PPP1R9A: variants seen among roughly 807,000 people sequenced by gnomAD.
The protein encoded by PPP1R9A is protein phosphatase 1 regulatory subunit 9A.
A neutral mutation model predicts 141.9 loss-of-function variants in PPP1R9A; 59 were observed. The ratio of observed to expected loss-of-function variants is 0.42; its 90% CI spans 0.34 to 0.52. The LOEUF (loss-of-function observed/expected upper bound fraction) is 0.52. Ranked by LOEUF, PPP1R9A falls within the 20% of genes least tolerant of loss-of-function variation. The probability of loss-of-function intolerance (pLI) is 0.10; values close to 1 mark genes in which losing one functional copy is unlikely to be tolerated. For missense variants in PPP1R9A, 1,444 were observed against 1,611.9 expected (o/e 0.90, Z 1.78); for synonymous variants, 500 against 569.7 (o/e 0.88, Z 1.74).
At chr7:95,076,190 A>AAATAG (rs1814828550) in intron 2 of PPP1R9A, among the ~76,000 whole-genome samples, 1 of 152,170 alleles carries the variant, frequency 6.6e-6, no homozygotes, top group Admixed American at 6.5e-5. Flanking sequence ...GGTGTGAGCC[A>AAATAG]CCGCACTCAG....
At chr7:94,925,256 C>A (rs1407418418) in intron 2 of PPP1R9A, among the ~76,000 whole-genome samples, 1 of 152,080 alleles carries the variant, frequency 6.6e-6, no homozygotes, top group East Asian at 1.9e-4. Context: ...AGGCCTTCAA[C>A]TGTTTCAATG....
rs1823619958 is a variant in PPP1R9A at position 95,126,722 on chromosome 7, G to T, written c.1649+5890G>T. 5.9e-5 allele frequency among the ~76,000 whole-genome samples: 9 copies of T among 152,106 alleles called. No homozygotes were observed. The South Asian group carries it at 1.9e-3, about 32-fold the overall frequency. On this transcript the variant is annotated intron_variant, in intron 4 of 19. Transcript: ENST00000433360. ...CTGAGAGTCTTCCCTTGTCTTTTCT[G>T]TGCTTTTCATTACAGCTAAGATTTA...
At chr7:94,980,614 T>TA (rs1299966043) in intron 2 of PPP1R9A, among the ~76,000 whole-genome samples, 1 of 151,650 alleles carries the variant, frequency 6.6e-6, no homozygotes, top group Non-Finnish European at 1.5e-5. Flanking sequence ...TGTTTTTTTT[T>TA]TTTTTTAGAA....
chr7:95,196,566 A>G (rs1409823026), intron 5 of PPP1R9A, among the ~76,000 whole-genome samples: 2 of 152,182 alleles, frequency 1.3e-5, no homozygotes, highest in Non-Finnish European at 2.9e-5. Flanking sequence ...GCCTATCAGT[A>G]GAAAAATAGA....
At chr7:95,153,016 AT>A (rs1236165724) in intron 4 of PPP1R9A, among the ~76,000 whole-genome samples, 1 of 151,722 alleles carries the variant, frequency 6.6e-6, no homozygotes, top group Non-Finnish European at 1.5e-5. Context: ...TATCCGGCTA[AT>A]TTTTTTATTT....
At chr7:95,152,838 CTTTT>C (rs5885900) in intron 4 of PPP1R9A, among the ~76,000 whole-genome samples, 28 of 125,084 alleles carry the variant, frequency 2.2e-4, no homozygotes, top group Non-Finnish European at 3.9e-4. Context: ...CAGCCACACC[CTTTT>C]TTTTTTTTTT....
chr7:95,159,443 C>G (rs1024253462), intron 4 of PPP1R9A, among the ~76,000 whole-genome samples: 2 of 152,020 alleles, frequency 1.3e-5, no homozygotes, highest in Non-Finnish European at 2.9e-5. Context: ...ACTTCAAGTT[C>G]TGGGGTACAT....
Position 94,980,182 on chromosome 7 carries a change from T to TAAA in PPP1R9A, c.1395+68691_1395+68693dup, listed in dbSNP as rs71292968. Among the ~76,000 whole-genome samples, 530 of 126,120 alleles carry TAAA rather than the reference T, an allele frequency of 4.2e-3. 6 individuals are homozygous for TAAA. Among genetic ancestry groups the TAAA allele is most frequent in the African/African-American group, 0.015 (501 of 33,808 alleles). 82.7% of individuals were successfully genotyped at this position (126,120 alleles called of 152,430 possible). A position where few individuals can be genotyped will look rare whatever the true frequency, so the allele number is the denominator to read the frequency against. ...AATATACTAACAATAGCTGATGAGC[T>TAAA]AAAAAAAAAAAAAAAAAAATCACAG... On this transcript the variant is annotated intron_variant, in intron 2 of 19. Coordinates refer to ENST00000433360, the MANE Select transcript of PPP1R9A (RefSeq NM_001166160.2).
At chr7:95,249,414 C>T (rs1798571658) in intron 9 of PPP1R9A, among the ~76,000 whole-genome samples, 1 of 151,998 alleles carries the variant, frequency 6.6e-6, no homozygotes, top group African/African-American at 2.4e-5. Context: ...TTCTTATGCC[C>T]AAGGAGCTAT....
intron 2 of PPP1R9A, among the ~76,000 whole-genome samples, chr7:95,066,966 G>A (rs1435105653): frequency 6.6e-6 from 1 of 152,214 alleles, no homozygotes; most frequent in African/African-American, 2.4e-5. Context: ...AACAGGCCAC[G>A]TTAATGGTTG....
intron 3 of PPP1R9A, among the ~76,000 whole-genome samples, chr7:95,115,168 A>G (rs2152460271): frequency 6.6e-6 from 1 of 152,278 alleles, no homozygotes; most frequent in Non-Finnish European, 1.5e-5. Context: ...CAATCATAAT[A>G]CTGAGTGGAG....
At chr7:94,974,588 G>A (rs540727588) in intron 2 of PPP1R9A, among the ~76,000 whole-genome samples, 16 of 152,270 alleles carry the variant, frequency 1.1e-4, no homozygotes, top group Admixed American at 9.8e-4. Context: ...AAACACTGGG[G>A]CAGTGATGGG....
chr7:95,142,109 A>G (rs1213504803), intron 4 of PPP1R9A, among the ~76,000 whole-genome samples: 1 of 152,074 alleles, frequency 6.6e-6, no homozygotes, highest in Non-Finnish European at 1.5e-5. Flanking sequence ...CCTGGTGGCT[A>G]ATGATGTTGA....
intron 2 of PPP1R9A, among the ~76,000 whole-genome samples, chr7:94,965,278 A>C (rs1191459580): frequency 6.6e-6 from 1 of 151,118 alleles, no homozygotes; most frequent in African/African-American, 2.4e-5. Context: ...TTGCCTGTTC[A>C]CTCTGGTAAT....
At chr7:95,101,500 A>G (rs954228302) in intron 2 of PPP1R9A, among the ~76,000 whole-genome samples, 1 of 152,216 alleles carries the variant, frequency 6.6e-6, no homozygotes, top group Non-Finnish European at 1.5e-5. Context: ...CAGAAATATA[A>G]GAAGAAAAAA....
chr7:95,040,530 G>A (rs1052567628), intron 2 of PPP1R9A, among the ~76,000 whole-genome samples: 1 of 151,958 alleles, frequency 6.6e-6, no homozygotes, highest in African/African-American at 2.4e-5. Context: ...AATACAGGAT[G>A]TACTCCTGTT....
In PPP1R9A at chr7:95,129,814, G is replaced by A. The variant is rs149017233; in HGVS notation, c.1649+8982G>A. Among the ~76,000 whole-genome samples the A allele has an allele frequency of 1.5e-3, 223 of 152,240 alleles. 1 individual carries two copies. The highest frequency in any genetic ancestry group is 4.9e-3 in the African/African-American group (202 of 41,536). On this transcript the variant is annotated intron_variant, in intron 4 of 19. Coordinates refer to ENST00000433360, the MANE Select transcript of PPP1R9A (RefSeq NM_001166160.2). ...TTAGCAAAGAGACTGTTGTCATTTTGCCCCTACCCTAGAGATCTGTGGAAC... is the reference window on the plus strand; with the variant it reads ...TTAGCAAAGAGACTGTTGTCATTTTACCCCTACCCTAGAGATCTGTGGAAC...
intron 2 of PPP1R9A, among the ~76,000 whole-genome samples, chr7:94,982,600 T>A (rs1800264760): frequency 6.6e-6 from 1 of 152,232 alleles, no homozygotes; most frequent in South Asian, 2.1e-4. Flanking sequence ...TTTTCATGTG[T>A]CTGTTGGCTG....
chr7:95,037,707 G>A (rs778827993), intron 2 of PPP1R9A, among the ~76,000 whole-genome samples: 10 of 151,988 alleles, frequency 6.6e-5, no homozygotes, highest in Non-Finnish European at 1.3e-4. Context: ...GTGCGTGCGC[G>A]CGTGTGTGTG....
Sources: allele counts gnomAD v4.1 joint callset (sites outside exome capture counted in the v4.1 genomes callset), GRCh38; gene constraint gnomAD v4.1.1; transcripts MANE v1.5; gene names NCBI Gene and HGNC (gene_info 2026-07-23, HGNC 2026-07-21).